The following TMEM131 variants were observed in gnomAD, a reference collection of about 807,000 sequenced individuals.
TMEM131 encodes transmembrane protein 131.
A neutral mutation model predicts 211.6 loss-of-function variants in TMEM131; 66 were observed. That is an observed-to-expected ratio of 0.31 (90% confidence interval 0.26 to 0.38). TMEM131 has a LOEUF of 0.38. Ranked by LOEUF, TMEM131 falls within the 10% of genes least tolerant of loss-of-function variation. The probability of loss-of-function intolerance (pLI) is 1.00; values close to 1 mark genes in which losing one functional copy is unlikely to be tolerated. For missense variants in TMEM131, 2,036 were observed against 2,299.3 expected (o/e 0.89, Z 2.34); for synonymous variants, 844 against 841.3 (o/e 1.00, Z -0.06).
intron 3 of TMEM131, among the ~76,000 whole-genome samples, chr2:97,906,638 G>A (rs936285365): frequency 6.6e-6 from 1 of 152,188 alleles, no homozygotes; most frequent in East Asian, 1.9e-4. Context: ...CCCATGTGAA[G>A]GCCACACAAA....
In TMEM131 at chr2:97,757,075, A is replaced by ATGTT. The variant is rs761627310; in HGVS notation, c.*20_*23dup. 1 of 1,560,854 alleles carries ATGTT rather than the reference A, an allele frequency of 6.4e-7. No individual in the cohort carries two copies. The highest frequency in any genetic ancestry group is 8.7e-7 in the Non-Finnish European group (1 of 1,150,018). On this transcript the variant is annotated 3_prime_UTR_variant, in exon 41 of 41. Coordinates refer to ENST00000186436, the MANE Select transcript of TMEM131 (RefSeq NM_015348.2). ...ATCATGATCTAGACGAGGGCCCACT[A>ATGTT]TGTTTGTTTGTTTTTTGCTTAATTT...
chr2:97,797,583 C>T, intron 25 of TMEM131, 67 bp from the exon 26 acceptor site: 2 of 1,399,254 alleles, frequency 1.4e-6, no homozygotes, highest in South Asian at 1.4e-5. Context: ...TCTTCGCTTA[C>T]ACCCCATCTA....
chr2:97,770,512 GAC>G (rs1679417893), intron 33 of TMEM131, among the ~76,000 whole-genome samples: 2 of 152,198 alleles, frequency 1.3e-5, no homozygotes, highest in Non-Finnish European at 2.9e-5. Flanking sequence ...GGCGGTTCAG[GAC>G]TGACCACTCT....
chr2:97,981,751 G>A (rs1298678872), intron 1 of TMEM131, among the ~76,000 whole-genome samples: 1 of 152,130 alleles, frequency 6.6e-6, no homozygotes, highest in Non-Finnish European at 1.5e-5. Context: ...TATCTATTTT[G>A]TCTCTGTGGA....
At position 97,756,340 on chromosome 2, in the gene TMEM131, G is replaced by A. The variant is rs1678478913; in HGVS notation, c.*759C>T. 2.0e-5 allele frequency: 3 copies of A among 152,194 alleles called. No homozygotes were observed. In the South Asian group the frequency reaches 6.2e-4, roughly 32 times the overall value. 9.4% of individuals were successfully genotyped at this position (152,194 alleles called of 1,614,324 possible). The stretch of plus-strand genomic sequence containing the variant: ...AAAAAAACCACAAAACAAGGCTTTT[G>A]AAAAAAGCATCATTTATTTCAAAGT... On this transcript the variant is annotated 3_prime_UTR_variant, in exon 41 of 41. Transcript: ENST00000186436.
At chr2:97,967,616 C>T (rs1026811150) in intron 1 of TMEM131, among the ~76,000 whole-genome samples, 1 of 152,016 alleles carries the variant, frequency 6.6e-6, no homozygotes, top group Admixed American at 6.5e-5. Context: ...TCGAACGGTG[C>T]AATGGAAAAT....
rs759869688 is a variant in TMEM131, at chr2:97,812,414, T to C, written c.1863+7A>G. On this transcript the variant is annotated splice_region_variant and intron_variant, in intron 17 of 40. Transcript: ENST00000186436. The stretch of plus-strand genomic sequence containing the variant: ...TACTTTAAGGAGACAATAGAAAGTT[T>C]ACTTACCGATGATTGATCTGATAAA... 1 of 1,595,686 alleles carries C rather than the reference T, an allele frequency of 6.3e-7. No homozygotes were observed. Among genetic ancestry groups the C allele is most frequent in the South Asian group, 1.2e-5 (1 of 86,838 alleles).
At chr2:97,860,974 C>G (rs1366700530) in intron 4 of TMEM131, among the ~76,000 whole-genome samples, 4 of 152,148 alleles carry the variant, frequency 2.6e-5, no homozygotes, top group African/African-American at 9.7e-5. Flanking sequence ...GAGAGAGAGT[C>G]TGTGCACTTG....
rs933768302 is a variant in TMEM131 at position 97,875,264 on chromosome 2, T to C, written c.359+12788A>G. On this transcript the variant is annotated intron_variant, in intron 4 of 40. Transcript: ENST00000186436. ...AGACTTAAACTCCCACACAATCTAA[T>C]AGTGGGAGATTTTAACACCCTATTG... Among the ~76,000 whole-genome samples the C allele has an allele frequency of 3.9e-5, 6 of 152,130 alleles. 1 individual carries two copies. The highest frequency in any genetic ancestry group is 8.8e-5 in the Non-Finnish European group (6 of 68,018).
At chr2:97,964,957 G>T (rs1678984044) in intron 1 of TMEM131, among the ~76,000 whole-genome samples, 1 of 152,094 alleles carries the variant, frequency 6.6e-6, no homozygotes, top group East Asian at 1.9e-4. Flanking sequence ...CAGATGAGTT[G>T]GTCTCCCCTG....
chr2:97,895,337 T>A (rs1436622619), intron 3 of TMEM131, among the ~76,000 whole-genome samples: 2 of 152,216 alleles, frequency 1.3e-5, no homozygotes, highest in African/African-American at 4.8e-5. Context: ...TTTTCTTTTT[T>A]TGATGTGTCT....
chr2:97,902,003 A>T (rs1277596862), intron 3 of TMEM131, among the ~76,000 whole-genome samples: 1 of 152,188 alleles, frequency 6.6e-6, no homozygotes, highest in Admixed American at 6.5e-5. Flanking sequence ...TGCATATCCT[A>T]AACACCCTGA....
At position 97,766,199 on chromosome 2, in the gene TMEM131, T is replaced by C. The variant is rs777228373; in HGVS notation, c.4638A>G (p.Glu1546=). 12 of 1,613,952 alleles carry C rather than the reference T, an allele frequency of 7.4e-6. No homozygotes were observed. In the African/African-American group the frequency reaches 1.6e-4, roughly 22 times the overall value. The part of the protein sequence containing the change: ...ALAKFLPNSQ[E]LGNTSSSEGE... ...CCTCTGAGCTACTGGTGTTGCCTAA[T>C]TCTTGACTATTCGGGAGGAATTTTG... The change falls in exon 35 of 41, where the codon GAA becomes GAG. Residue 1546 remains glutamate, a synonymous_variant. Transcript: ENST00000186436.
chr2:97,805,739 T>C, intron 19 of TMEM131, 36 bp from the exon 20 acceptor site: 1 of 1,537,644 alleles, frequency 6.5e-7, no homozygotes, highest in South Asian at 1.3e-5. Flanking sequence ...CTCATTTGTA[T>C]ATGGTTAAAT....
At chr2:97,987,543 T>TGAC in intron 1 of TMEM131, among the ~76,000 whole-genome samples, 1 of 152,068 alleles carries the variant, frequency 6.6e-6, no homozygotes, top group Non-Finnish European at 1.5e-5. Context: ...TCACAAACTG[T>TGAC]TAGAACTAAC....
intron 8 of TMEM131, among the ~76,000 whole-genome samples, chr2:97,836,639 C>A (rs1243605187): frequency 6.6e-6 from 1 of 152,188 alleles, no homozygotes; most frequent in Non-Finnish European, 1.5e-5. Flanking sequence ...GTTCTCTCTG[C>A]AAATGCCATC....
At chr2:97,816,366 T>C (rs886252317) in intron 12 of TMEM131, among the ~76,000 whole-genome samples, 3 of 151,972 alleles carry the variant, frequency 2.0e-5, no homozygotes, top group Non-Finnish European at 2.9e-5. Flanking sequence ...AAAAAATAAA[T>C]AAATAAATAA....
chr2:97,990,008 A>G (rs559786175), intron 1 of TMEM131, among the ~76,000 whole-genome samples: 27 of 152,234 alleles, frequency 1.8e-4, no homozygotes, highest in Non-Finnish European at 3.4e-4. Context: ...CAGCCCTTGC[A>G]TTATCTCCAG....
At chr2:97,813,946 T>G (rs757099958) in intron 15 of TMEM131, 25 bp downstream of exon 15, 1 of 1,524,612 alleles carries the variant, frequency 6.6e-7, no homozygotes, top group African/African-American at 1.4e-5. Context: ...GGAGTTTAAA[T>G]GTTAAAGATG....
Sources: allele counts gnomAD v4.1 joint callset (sites outside exome capture counted in the v4.1 genomes callset), GRCh38; gene constraint gnomAD v4.1.1; transcripts MANE v1.5; gene names NCBI Gene and HGNC (gene_info 2026-07-23, HGNC 2026-07-21).